HCN1: variants seen among roughly 807,000 people sequenced by gnomAD.
HCN1 encodes hyperpolarization activated cyclic nucleotide gated potassium channel 1, also known as potassium/sodium hyperpolarization-activated cyclic nucleotide-gated channel 1.
HCN1 carries 13 observed loss-of-function variants against 78.9 expected under a neutral mutation model. The observed-to-expected ratio is 0.16, with a 90% CI of 0.11 to 0.26. The LOEUF (loss-of-function observed/expected upper bound fraction) is 0.26, where lower values mean the gene tolerates loss of function less well. Among genes scored for constraint, HCN1 ranks in the 10% least tolerant of loss-of-function variants. The pLI is 1.00. For synonymous variants in HCN1, 552 were observed against 455.5 expected, an observed-to-expected ratio of 1.21 and a Z score of -2.70; for missense variants, 810 against 1,154.3, an observed-to-expected ratio of 0.70 and a Z score of 4.32.
intron 2 of HCN1, among the ~76,000 whole-genome samples, chr5:45,572,014 T>C (rs1316300488): frequency 6.6e-6 from 1 of 152,184 alleles, no homozygotes; most frequent in East Asian, 1.9e-4. Context: ...CCTTTCTCTT[T>C]AGACATTGTG....
chr5:45,306,652 T>C (rs1745740019), intron 5 of HCN1, among the ~76,000 whole-genome samples: 1 of 152,114 alleles, frequency 6.6e-6, no homozygotes, highest in African/African-American at 2.4e-5. Context: ...ATCATGTAAG[T>C]ATAGAATGAA....
At chr5:45,321,648 T>G (rs1746128966) in intron 5 of HCN1, among the ~76,000 whole-genome samples, 1 of 150,388 alleles carries the variant, frequency 6.6e-6, no homozygotes, top group Non-Finnish European at 1.5e-5. Context: ...TTAAATGTAT[T>G]TCTTAGACAA....
Position 45,286,020 on chromosome 5 carries a change from T to TA in HCN1, c.1618+17578dup, listed in dbSNP as rs199810488. Among the ~76,000 whole-genome samples, 1,155 of 151,062 alleles carry TA rather than the reference T, an allele frequency of 7.6e-3. 10 individuals are homozygous for TA. The highest frequency in any genetic ancestry group is 0.06 in the East Asian group (309 of 5,158). On this transcript the variant is annotated intron_variant, in intron 6 of 7. Coordinates refer to ENST00000303230, the MANE Select transcript of HCN1 (RefSeq NM_021072.4). ...TTAAAGAACTTCAGAGTTAAGGAAC[T>TA]AAAAAAAAACTAAGTTTCTAAGATT...
intron 1 of HCN1, among the ~76,000 whole-genome samples, chr5:45,655,206 C>A (rs548238514): frequency 5.9e-5 from 9 of 151,614 alleles, no homozygotes; most frequent in Non-Finnish European, 7.4e-5. Context: ...ATTAAGGAGG[C>A]GGCATTAGGG....
intron 5 of HCN1, among the ~76,000 whole-genome samples, chr5:45,344,761 T>C (rs2111969824): frequency 6.6e-6 from 1 of 152,262 alleles, no homozygotes; most frequent in Non-Finnish European, 1.5e-5. Flanking sequence ...TTTTGCAGGG[T>C]ACAGCCCATC....
intron 2 of HCN1, among the ~76,000 whole-genome samples, chr5:45,545,972 A>G (rs1422440807): frequency 3.9e-5 from 6 of 152,076 alleles, no homozygotes; most frequent in Non-Finnish European, 8.8e-5. Flanking sequence ...TTTAAGCATT[A>G]CATACATACT....
At chr5:45,540,545 G>A (rs1207374695) in intron 2 of HCN1, among the ~76,000 whole-genome samples, 1 of 152,040 alleles carries the variant, frequency 6.6e-6, no homozygotes, top group Non-Finnish European at 1.5e-5. Flanking sequence ...GCCCAGGCTG[G>A]TCTTGAACTT....
intron 6 of HCN1, among the ~76,000 whole-genome samples, chr5:45,286,646 C>A (rs956684456): frequency 2.0e-5 from 3 of 151,964 alleles, no homozygotes; most frequent in Non-Finnish European, 4.4e-5. Flanking sequence ...ATATTAGACA[C>A]ATCTTTTGAG....
intron 5 of HCN1, among the ~76,000 whole-genome samples, chr5:45,326,956 G>C (rs1411709114): frequency 6.6e-6 from 1 of 151,528 alleles, no homozygotes. Flanking sequence ...ACTTCCATTT[G>C]ATTATAAAGG....
intron 5 of HCN1, among the ~76,000 whole-genome samples, chr5:45,312,737 G>C (rs1302525552): frequency 6.6e-6 from 1 of 152,178 alleles, no homozygotes; most frequent in African/African-American, 2.4e-5. Flanking sequence ...CCTGGCTCAG[G>C]GGGTCCCACG....
chr5:45,415,179 A>C (rs925182883), intron 3 of HCN1, among the ~76,000 whole-genome samples: 4 of 152,012 alleles, frequency 2.6e-5, no homozygotes, highest in Admixed American at 2.6e-4. Flanking sequence ...AAAATATAGC[A>C]GTTATTTGTT....
chr5:45,636,743 T>C (rs562935858), intron 2 of HCN1, among the ~76,000 whole-genome samples: 11 of 152,164 alleles, frequency 7.2e-5, no homozygotes, highest in African/African-American at 2.6e-4. Context: ...ATCCCAATTG[T>C]GTGGGAAGAT....
intron 2 of HCN1, among the ~76,000 whole-genome samples, chr5:45,545,122 C>T (rs1452440080): frequency 1.3e-5 from 2 of 152,098 alleles, no homozygotes; most frequent in Non-Finnish European, 2.9e-5. Context: ...TGTTTCCTGA[C>T]TTTTTAATGA....
At chr5:45,690,972 A>G (rs531164908) in intron 1 of HCN1, among the ~76,000 whole-genome samples, 3 of 152,118 alleles carry the variant, frequency 2.0e-5, no homozygotes, top group Non-Finnish European at 4.4e-5. Flanking sequence ...TAAGATTATC[A>G]CCTGAAAATC....
At chr5:45,565,550 C>T (rs1279756750) in intron 2 of HCN1, among the ~76,000 whole-genome samples, 1 of 152,116 alleles carries the variant, frequency 6.6e-6, no homozygotes, top group Non-Finnish European at 1.5e-5. Context: ...ATGCCTGGCA[C>T]GGTGGCTTGC....
At chr5:45,349,871 G>T (rs971886895) in intron 5 of HCN1, among the ~76,000 whole-genome samples, 2 of 152,114 alleles carry the variant, frequency 1.3e-5, no homozygotes, top group African/African-American at 4.8e-5. Context: ...CTGAAATTGT[G>T]GCAATAATCA....
intron 2 of HCN1, among the ~76,000 whole-genome samples, chr5:45,496,087 C>A (rs1328675540): frequency 1.3e-5 from 2 of 152,072 alleles, no homozygotes; most frequent in African/African-American, 4.8e-5. Flanking sequence ...CTCTGCACGG[C>A]TTTGGTATCA....
intron 2 of HCN1, among the ~76,000 whole-genome samples, chr5:45,633,205 A>G (rs71616302): frequency 0.011 from 1,706 of 152,126 alleles, 20 homozygotes; most frequent in Non-Finnish European, 0.018. Flanking sequence ...AGGATCTTTC[A>G]AAAATGTGTA....
chr5:45,258,935 G>A lies in HCN1; in HGVS notation c.*2986C>T, dbSNP rs920664004. On this transcript the variant is annotated 3_prime_UTR_variant, in exon 8 of 8. Transcript: ENST00000303230. ...ATTACAGGAAAATTATTTCTCATCT[G>A]TATATCCAATAATTACACAAAATGG... The A allele has an allele frequency of 2.0e-5, 3 of 151,886 alleles. No homozygotes were observed. In the East Asian group the frequency reaches 5.8e-4, roughly 29 times the overall value. The allele number at this position is 151,886 out of a possible 1,614,324, so 9.4% of individuals were successfully genotyped here. A position where few individuals can be genotyped will look rare whatever the true frequency, so the allele number is the denominator to read the frequency against.
Sources: gnomAD v4.1 joint callset for allele counts (sites outside exome capture counted in the v4.1 genomes callset) on GRCh38, gnomAD v4.1.1 for gene constraint, MANE v1.5 for transcripts, NCBI Gene and HGNC (gene_info 2026-07-23, HGNC 2026-07-21) for gene names.